The following KLRG1 variants were observed in gnomAD, a reference collection of about 807,000 sequenced individuals.
KLRG1 encodes killer cell lectin like receptor G1.
Under a neutral mutation model 21.8 loss-of-function variants are expected in KLRG1, and 16 were observed. The observed-to-expected ratio is 0.73, with a 90% CI of 0.50 to 1.11. The LOEUF is 1.11. KLRG1 is among the 50% of genes most tolerant of loss of function. The pLI, the probability that KLRG1 is intolerant of heterozygous loss-of-function variation, is 0.00. For missense variants in KLRG1, 173 were observed against 218.3 expected, an observed-to-expected ratio of 0.79 and a Z score of 1.31; for synonymous variants, 69 against 75.9, an observed-to-expected ratio of 0.91 and a Z score of 0.47.
At chr12:9,049,267 A>G in the KLRG1 span, among the ~76,000 whole-genome samples, 1 of 151,976 alleles carries the variant, frequency 6.6e-6, no homozygotes, top group Non-Finnish European at 1.5e-5. Flanking sequence ...TGGGCCCACA[A>G]TGTGGCCACA....
intron 3 of KLRG1, among the ~76,000 whole-genome samples, chr12:9,006,445 A>C (rs1385964965): frequency 6.6e-6 from 1 of 152,214 alleles, no homozygotes; most frequent in African/African-American, 2.4e-5. Flanking sequence ...GGCATGTTAA[A>C]GGAAAAGAAA....
At chr12:9,059,843 C>G in the KLRG1 span, among the ~76,000 whole-genome samples, 1 of 151,834 alleles carries the variant, frequency 6.6e-6, no homozygotes, top group African/African-American at 2.4e-5. Context: ...CTATGCCCGG[C>G]TAATTTTTGT....
chr12:9,153,299 G>A, the KLRG1 span: 1 of 1,614,144 alleles, frequency 6.2e-7, no homozygotes, highest in Non-Finnish European at 8.5e-7. Flanking sequence ...TGGTGAAAGT[G>A]GCTGCTCCAT....
At chr12:9,109,449 T>C in the KLRG1 span, 14 of 1,470,304 alleles carry the variant, frequency 9.5e-6, 1 homozygote, top group African/African-American at 1.7e-4. Context: ...GTTTTCAACT[T>C]TGGGGGAATT....
chr12:9,188,031 T>C, the KLRG1 span, among the ~76,000 whole-genome samples: 1 of 152,362 alleles, frequency 6.6e-6, no homozygotes, highest in South Asian at 2.1e-4. Flanking sequence ...AAAAATAGTC[T>C]GGCCAAACGT....
At chr12:9,192,188 C>G in the KLRG1 span, 1 of 1,611,186 alleles carries the variant, frequency 6.2e-7, no homozygotes, top group Non-Finnish European at 8.5e-7. Flanking sequence ...TCTGAGGATA[C>G]TCACTGTCTC....
chr12:9,049,530 G>T, the KLRG1 span, among the ~76,000 whole-genome samples: 4,118 of 152,212 alleles, frequency 0.027, 186 homozygotes, highest in African/African-American at 0.094. Flanking sequence ...GCTATTTCCA[G>T]GGTTGTGAAT....
At chr12:9,194,038 A>G in the KLRG1 span, 4 of 1,566,590 alleles carry the variant, frequency 2.6e-6, no homozygotes, top group African/African-American at 1.4e-5. Context: ...TGTTCCTAAC[A>G]TTTCCTTTGT....
chr12:9,098,758 T>C, the KLRG1 span: 1 of 1,612,350 alleles, frequency 6.2e-7, no homozygotes, highest in East Asian at 2.2e-5. Flanking sequence ...CAAATCCACC[T>C]GTGAAATTGG....
At chr12:9,164,359 A>G in the KLRG1 span, 1 of 1,316,112 alleles carries the variant, frequency 7.6e-7, no homozygotes, top group Non-Finnish European at 1.0e-6. Context: ...GTAAATTGGG[A>G]TTTGTAAGAA....
At chr12:8,990,458 G>C (rs949471968) in intron 1 of KLRG1, 3 of 152,002 alleles carry the variant, frequency 2.0e-5, no homozygotes, top group Admixed American at 2.0e-4. Context: ...TTACTACATA[G>C]TTTTACTATT....
the KLRG1 span, among the ~76,000 whole-genome samples, chr12:9,110,603 A>C: frequency 1.3e-5 from 2 of 151,662 alleles, no homozygotes; most frequent in African/African-American, 4.8e-5. Context: ...TGATATGGAT[A>C]ATGATAATGA....
chr12:9,079,708 C>T, the KLRG1 span: 63 of 1,613,586 alleles, frequency 3.9e-5, no homozygotes, highest in Middle Eastern at 1.6e-4. Flanking sequence ...TTTAGATAAT[C>T]CAGTACATAG....
chr12:9,052,177 A>C, the KLRG1 span, among the ~76,000 whole-genome samples: 1 of 152,318 alleles, frequency 6.6e-6, no homozygotes, highest in East Asian at 1.9e-4. Flanking sequence ...GATTATTCAT[A>C]ATCTTGGACT....
chr12:9,162,030 C>T, the KLRG1 span, among the ~76,000 whole-genome samples: 7 of 152,038 alleles, frequency 4.6e-5, no homozygotes, highest in African/African-American at 1.7e-4. Flanking sequence ...GGTGTGATTT[C>T]GGCTCACTGC....
chr12:9,128,525 C>G, the KLRG1 span: 27 of 152,526 alleles, frequency 1.8e-4, no homozygotes, highest in African/African-American at 6.3e-4. Context: ...CGAAGTCCAG[C>G]TGGGCAATGT....
At chr12:8,998,546 GGGT>G (rs1159828468) in intron 3 of KLRG1, among the ~76,000 whole-genome samples, 1 of 151,788 alleles carries the variant, frequency 6.6e-6, no homozygotes, top group Non-Finnish European at 1.5e-5. Context: ...GAAATTAGCT[GGGT>G]GTGGTGGCGC....
chr12:9,103,295 C>T, the KLRG1 span, among the ~76,000 whole-genome samples: 1 of 152,098 alleles, frequency 6.6e-6, no homozygotes, highest in African/African-American at 2.4e-5. Context: ...AATCATTTTA[C>T]AGATAAGGAA....
chr12:9,091,485 A>G, the KLRG1 span: 3 of 1,564,526 alleles, frequency 1.9e-6, no homozygotes, highest in Non-Finnish European at 2.6e-6. Flanking sequence ...CATCCTTTCT[A>G]GGGAGAGAAT....
Sources: gnomAD v4.1 joint callset for allele counts (sites outside exome capture counted in the v4.1 genomes callset) on GRCh38, gnomAD v4.1.1 for gene constraint, MANE v1.5 for transcripts, NCBI Gene and HGNC (gene_info 2026-07-23, HGNC 2026-07-21) for gene names.